DPY19L3: variants seen among roughly 807,000 people sequenced by gnomAD.
DPY19L3 encodes the protein protein C-mannosyl-transferase DPY19L3.
DPY19L3 carries 51 observed loss-of-function variants against 92.3 expected under a neutral mutation model. The observed-to-expected ratio is 0.55, with a 90% CI of 0.44 to 0.70. The LOEUF (loss-of-function observed/expected upper bound fraction) is 0.70, where lower values mean the gene tolerates loss of function less well. DPY19L3 is among the 30% of genes least tolerant of loss of function. The pLI is 0.00. For synonymous variants in DPY19L3, 309 were observed against 315.2 expected (o/e 0.98, Z 0.21); for missense variants, 706 against 855.9 (o/e 0.82, Z 2.18).
intron 3 of DPY19L3, among the ~76,000 whole-genome samples, chr19:32,419,224 G>A (rs996048442): frequency 1.4e-5 from 2 of 147,162 alleles, no homozygotes; most frequent in African/African-American, 5.1e-5. Context: ...GCAGTGGCGC[G>A]ATCTCGGCTC....
chr19:32,432,610 G>A (rs1969005473), intron 3 of DPY19L3, 106 bp from the exon 4 acceptor site: 1 of 898,116 alleles, frequency 1.1e-6, no homozygotes, highest in Non-Finnish European at 1.7e-6. Flanking sequence ...TATATTTTCA[G>A]AGTTTTTTCT....
chr19:32,443,979 G>T (rs193183485), intron 8 of DPY19L3, among the ~76,000 whole-genome samples: 6 of 151,192 alleles, frequency 4.0e-5, no homozygotes, highest in African/African-American at 1.2e-4. Context: ...TAGCTTGAGC[G>T]AGCCAAGATG....
At chr19:32,468,355 T>C (rs569682676) in intron 15 of DPY19L3, 1 of 1,004,318 alleles carries the variant, frequency 1.0e-6, no homozygotes, top group Non-Finnish European at 1.2e-6. Context: ...TGGTATTAGT[T>C]AATTACATAT....
chr19:32,427,882 A>G (rs1012770237), intron 3 of DPY19L3: 1 of 152,156 alleles, frequency 6.6e-6, no homozygotes, highest in Admixed American at 6.5e-5. Context: ...ATTCTGAAAC[A>G]GATTACATTT....
chr19:32,433,771 AT>A (rs1163717696), intron 4 of DPY19L3, among the ~76,000 whole-genome samples: 1 of 152,078 alleles, frequency 6.6e-6, no homozygotes, highest in African/African-American at 2.4e-5. Flanking sequence ...GAGACATGAC[AT>A]TTTGGTTATC....
At chr19:32,453,537 G>T (rs1969773517) in intron 9 of DPY19L3, among the ~76,000 whole-genome samples, 1 of 152,124 alleles carries the variant, frequency 6.6e-6, no homozygotes, top group Admixed American at 6.5e-5. Flanking sequence ...AAGATGCTTG[G>T]TTGAATGCCA....
chr19:32,444,438 A>G (rs1298664531), intron 8 of DPY19L3, among the ~76,000 whole-genome samples: 1 of 152,186 alleles, frequency 6.6e-6, no homozygotes, highest in African/African-American at 2.4e-5. Flanking sequence ...TGAAACAAAA[A>G]TGAACAGAGC....
In DPY19L3 at chr19:32,442,563, A is replaced by T. The variant is rs1002713795; in HGVS notation, c.855+2653A>T. Among the ~76,000 whole-genome samples, 5 of 152,102 alleles carry T rather than the reference A, an allele frequency of 3.3e-5. No individual in the cohort carries two copies. The South Asian group carries it at 8.3e-4, about 25-fold the overall frequency. On this transcript the variant is annotated intron_variant, in intron 8 of 18. Coordinates refer to ENST00000392250, the MANE Select transcript of DPY19L3 (RefSeq NM_001172774.2). ...GTAGAGAGAAGCAGACTGCCTAGGG[A>T]CCTTGCGACCAGAGGGAAAATTTGA...
intron 3 of DPY19L3, among the ~76,000 whole-genome samples, chr19:32,420,907 G>A (rs1327414510): frequency 1.3e-5 from 2 of 152,080 alleles, no homozygotes; most frequent in Non-Finnish European, 2.9e-5. Context: ...ACAAAAAGCA[G>A]TTTTCATTTT....
Position 32,466,520 on chromosome 19 carries a change from AT to A in DPY19L3, c.1614+1738del, listed in dbSNP as rs765178890. Among the ~76,000 whole-genome samples, 320 of 152,316 alleles carry A rather than the reference AT, an allele frequency of 2.1e-3. 1 individual carries two copies. Among genetic ancestry groups the A allele is most frequent in the Non-Finnish European group, 3.7e-3 (253 of 68,024 alleles). The stretch of plus-strand genomic sequence containing the variant: ...CGGCAGCTTCAGCCTCTGCCCGCTC[AT>A]TGAAGCACGTCTCCCCTGGCTACAA... On this transcript the variant is annotated intron_variant, in intron 15 of 18. Coordinates refer to ENST00000392250, the MANE Select transcript of DPY19L3 (RefSeq NM_001172774.2).
At chr19:32,464,040 T>C in intron 14 of DPY19L3, 60 bp downstream of exon 14, 2 of 1,186,340 alleles carry the variant, frequency 1.7e-6, no homozygotes, top group Non-Finnish European at 2.4e-6. Flanking sequence ...TTCATACCAC[T>C]TCTTTTTTTG....
intron 4 of DPY19L3, 72 bp downstream of exon 4, chr19:32,432,878 A>C (rs1298237444): frequency 1.7e-6 from 2 of 1,186,802 alleles, no homozygotes; most frequent in Non-Finnish European, 1.2e-6. Flanking sequence ...AGTACTGTGC[A>C]CTAAAAACCA....
At position 32,468,821 on chromosome 19, in the gene DPY19L3, G is replaced by A. The variant is rs748302348; in HGVS notation, c.1697+8G>A. 6 of 1,609,570 alleles carry A rather than the reference G, an allele frequency of 3.7e-6. No individual in the cohort carries two copies. The highest frequency in any genetic ancestry group is 3.3e-4 in the Middle Eastern group (2 of 6,032). On this transcript the variant is annotated splice_region_variant and intron_variant, in intron 16 of 18. Transcript: ENST00000392250. ...GCTGATGAACTGGATTAAGTAAGAG[G>A]ATTTTTTTTAACTTTTAAAATTTTA...
chr19:32,472,441 G>A (rs1418729857), intron 16 of DPY19L3, among the ~76,000 whole-genome samples: 3 of 151,980 alleles, frequency 2.0e-5, no homozygotes, highest in African/African-American at 7.3e-5. Flanking sequence ...TGCATTGCAT[G>A]CCTTGTTTTC....
chr19:32,465,336 A>G (rs116753760), intron 15 of DPY19L3, among the ~76,000 whole-genome samples: 2,025 of 152,298 alleles, frequency 0.013, 54 homozygotes, highest in African/African-American at 0.046. Flanking sequence ...CCTTTAATTC[A>G]GAGAATTTCT....
intron 8 of DPY19L3, among the ~76,000 whole-genome samples, chr19:32,441,494 C>CTT (rs11326098): frequency 4.6e-5 from 6 of 130,218 alleles, no homozygotes; most frequent in East Asian, 2.2e-4. Flanking sequence ...ACATGTGTCT[C>CTT]TTTTTTTTTT....
At chr19:32,421,286 C>T (rs1267134750) in intron 3 of DPY19L3, among the ~76,000 whole-genome samples, 2 of 152,184 alleles carry the variant, frequency 1.3e-5, no homozygotes, top group Non-Finnish European at 2.9e-5. Flanking sequence ...AATAGATAAT[C>T]AAGTTCCAGC....
intron 17 of DPY19L3, 25 bp from the exon 18 acceptor site, chr19:32,480,374 A>G (rs1970635438): frequency 6.3e-7 from 1 of 1,596,844 alleles, no homozygotes; most frequent in African/African-American, 1.3e-5. Context: ...CATTTGCCAC[A>G]TTGCATTTTT....
chr19:32,469,532 C>A (rs1444194332), intron 16 of DPY19L3, among the ~76,000 whole-genome samples: 2 of 151,260 alleles, frequency 1.3e-5, no homozygotes, highest in African/African-American at 4.8e-5. Flanking sequence ...AAAAAATATT[C>A]TTTCCTTGTT....
Sources: allele counts gnomAD v4.1 joint callset (sites outside exome capture counted in the v4.1 genomes callset), GRCh38; gene constraint gnomAD v4.1.1; transcripts MANE v1.5; gene names NCBI Gene and HGNC (gene_info 2026-07-23, HGNC 2026-07-21).